LINGO2: variants seen among roughly 807,000 people sequenced by gnomAD.
LINGO2 encodes leucine-rich repeat and immunoglobulin-like domain-containing nogo receptor-interacting protein 2.
LINGO2 carries 14 observed loss-of-function variants against 30.6 expected under a neutral mutation model. The ratio of observed to expected loss-of-function variants is 0.46; its 90% CI spans 0.30 to 0.72. LINGO2 has a LOEUF of 0.72. Among genes scored for constraint, LINGO2 ranks in the 30% least tolerant of loss-of-function variants. LINGO2 has a pLI of 0.07. For missense variants in LINGO2, 729 were observed against 751.7 expected, an observed-to-expected ratio of 0.97 and a Z score of 0.35; for synonymous variants, 317 against 288.5, an observed-to-expected ratio of 1.10 and a Z score of -1.00.
chr9:28,051,812 G>A (rs1033004799), intron 4 of LINGO2, among the ~76,000 whole-genome samples: 1 of 151,910 alleles, frequency 6.6e-6, no homozygotes, highest in African/African-American at 2.4e-5. Flanking sequence ...AAGAATAGAA[G>A]GAACACCTCT....
At chr9:28,475,668 T>C (rs894585911) in intron 2 of LINGO2, among the ~76,000 whole-genome samples, 1 of 152,058 alleles carries the variant, frequency 6.6e-6, no homozygotes, top group African/African-American at 2.4e-5. Flanking sequence ...ACAACAATAA[T>C]CTCCATTTTA....
intron 4 of LINGO2, among the ~76,000 whole-genome samples, chr9:28,022,042 T>C (rs1369226920): frequency 6.6e-6 from 1 of 152,100 alleles, no homozygotes; most frequent in Non-Finnish European, 1.5e-5. Flanking sequence ...TTGTTCTTGG[T>C]TCTTTTCTGC....
the LINGO2 span, among the ~76,000 whole-genome samples, chr9:28,962,156 A>T: frequency 3.3e-5 from 5 of 151,306 alleles, no homozygotes; most frequent in East Asian, 9.7e-4. Flanking sequence ...ATATTTTTTT[A>T]AAGTCTATTT....
At chr9:28,236,818 G>C (rs1189695063) in intron 4 of LINGO2, among the ~76,000 whole-genome samples, 3 of 151,658 alleles carry the variant, frequency 2.0e-5, no homozygotes, top group African/African-American at 4.8e-5. Context: ...ATAAGACCTA[G>C]TATTTGATAG....
At chr9:28,856,083 T>G in the LINGO2 span, among the ~76,000 whole-genome samples, 984 of 152,004 alleles carry the variant, frequency 6.5e-3, 12 homozygotes, top group African/African-American at 0.022. Flanking sequence ...GCTACATTTT[T>G]GGGGGCAAAA....
intron 1 of LINGO2, among the ~76,000 whole-genome samples, chr9:28,527,677 G>T (rs2135418922): frequency 6.6e-6 from 1 of 152,202 alleles, no homozygotes; most frequent in Non-Finnish European, 1.5e-5. Context: ...CCTGCTCTGT[G>T]CTCCCTTAAC....
the LINGO2 span, among the ~76,000 whole-genome samples, chr9:28,719,157 C>T: frequency 1.3e-5 from 2 of 151,894 alleles, no homozygotes; most frequent in Non-Finnish European, 2.9e-5. Context: ...GTAGAGTCTC[C>T]GAGCATTTCA....
chr9:29,127,747 T>A, the LINGO2 span, among the ~76,000 whole-genome samples: 1 of 152,114 alleles, frequency 6.6e-6, no homozygotes, highest in Non-Finnish European at 1.5e-5. Context: ...CTGCCCTGCA[T>A]GGAAAGGGGA....
chr9:28,631,851 A>G (rs754380385), intron 1 of LINGO2, among the ~76,000 whole-genome samples: 2 of 152,156 alleles, frequency 1.3e-5, no homozygotes, highest in Non-Finnish European at 2.9e-5. Flanking sequence ...TATCACATGA[A>G]ATAGAACCTT....
chr9:29,157,427 A>C, the LINGO2 span, among the ~76,000 whole-genome samples: 2 of 152,180 alleles, frequency 1.3e-5, no homozygotes, highest in African/African-American at 4.8e-5. Context: ...TGTGAGAAAC[A>C]AAATATATTA....
chr9:28,790,155 T>A, the LINGO2 span, among the ~76,000 whole-genome samples: 2 of 152,128 alleles, frequency 1.3e-5, 1 homozygote, highest in South Asian at 4.1e-4. Context: ...GCCTGGGACA[T>A]AAATCATCCC....
intron 4 of LINGO2, among the ~76,000 whole-genome samples, chr9:28,240,891 T>C (rs2133971881): frequency 6.6e-6 from 1 of 152,092 alleles, no homozygotes; most frequent in East Asian, 1.9e-4. Context: ...AAGAGACAAA[T>C]CACAGAATTG....
intron 2 of LINGO2, among the ~76,000 whole-genome samples, chr9:28,421,058 G>T (rs1004502165): frequency 8.6e-5 from 13 of 151,806 alleles, no homozygotes; most frequent in African/African-American, 2.7e-4. Flanking sequence ...AATACTAAAT[G>T]GCTTTCCTTT....
At chr9:29,088,641 G>C in the LINGO2 span, among the ~76,000 whole-genome samples, 3 of 152,102 alleles carry the variant, frequency 2.0e-5, no homozygotes. Context: ...TACCTACACA[G>C]ACTAATTTTT....
chr9:28,604,685 A>G (rs1825628329), intron 1 of LINGO2, among the ~76,000 whole-genome samples: 2 of 152,160 alleles, frequency 1.3e-5, no homozygotes, highest in South Asian at 4.1e-4. Flanking sequence ...GTAAGTATCC[A>G]TAGAAAAATG....
In LINGO2 at chr9:28,541,252, A is replaced by G. The variant is rs568477145; in HGVS notation, c.-364-65227T>C. On this transcript the variant is annotated intron_variant, in intron 1 of 5. Coordinates refer to ENST00000379992, the Ensembl canonical transcript of LINGO2. Reference sequence around the variant, plus strand: ...AGGTTCAGTGGTTAATTTACCTTGAAATATTGAAATGAACTCTGTGATCTT... The same window carrying G: ...AGGTTCAGTGGTTAATTTACCTTGAGATATTGAAATGAACTCTGTGATCTT... Among the ~76,000 whole-genome samples the G allele has an allele frequency of 3.3e-5, 5 of 152,250 alleles. No individual in the cohort carries two copies. The East Asian group carries it at 7.7e-4, about 24-fold the overall frequency.
chr9:27,999,815 G>A (rs1461604102), intron 5 of LINGO2, among the ~76,000 whole-genome samples: 1 of 152,006 alleles, frequency 6.6e-6, no homozygotes, highest in Non-Finnish European at 1.5e-5. Flanking sequence ...TAACATAGAG[G>A]TAATAAAAAT....
the LINGO2 span, among the ~76,000 whole-genome samples, chr9:28,986,435 C>T: frequency 6.6e-6 from 1 of 151,934 alleles, no homozygotes; most frequent in African/African-American, 2.4e-5. Context: ...TCAACAAAAA[C>T]TACATTCAAT....
chr9:28,353,913 A>G (rs183340110), intron 3 of LINGO2, among the ~76,000 whole-genome samples: 2 of 152,286 alleles, frequency 1.3e-5, no homozygotes, highest in Non-Finnish European at 2.9e-5. Context: ...ACAAAAATCC[A>G]AACACTGCAT....
Sources: gnomAD v4.1 joint callset for allele counts (sites outside exome capture counted in the v4.1 genomes callset) on GRCh38, gnomAD v4.1.1 for gene constraint, MANE v1.5 for transcripts, NCBI Gene and HGNC (gene_info 2026-07-23, HGNC 2026-07-21) for gene names.